The following MARCHF1 variants were observed in gnomAD, a reference collection of about 807,000 sequenced individuals.
The protein encoded by MARCHF1 is E3 ubiquitin-protein ligase MARCHF1.
Under a neutral mutation model 54.2 loss-of-function variants are expected in MARCHF1, and 40 were observed. The observed-to-expected ratio is 0.74, with a 90% CI of 0.57 to 0.96. The LOEUF is 0.96. Ranked by LOEUF, MARCHF1 falls within the 40% of genes least tolerant of loss-of-function variation. The probability of loss-of-function intolerance (pLI) is 0.00; values close to 1 mark genes in which losing one functional copy is unlikely to be tolerated. For missense variants in MARCHF1, 586 were observed against 656.5 expected (o/e 0.89, Z 1.17); for synonymous variants, 236 against 236.3 (o/e 1.00, Z 0.01).
chr4:163,594,583 G>T (rs182448248), intron 7 of MARCHF1, among the ~76,000 whole-genome samples: 1 of 151,196 alleles, frequency 6.6e-6, no homozygotes, highest in Non-Finnish European at 1.5e-5. Context: ...AAAAAATTAA[G>T]ATTACATTAA....
chr4:163,583,986 A>G (rs1462307446), intron 8 of MARCHF1: 1 of 151,554 alleles, frequency 6.6e-6, no homozygotes, highest in African/African-American at 2.4e-5. Flanking sequence ...AAAGATAGAC[A>G]TATTTGCTGC....
chr4:164,149,519 C>T (rs888711139), intron 1 of MARCHF1, among the ~76,000 whole-genome samples: 6 of 152,072 alleles, frequency 3.9e-5, no homozygotes, highest in African/African-American at 1.2e-4. Flanking sequence ...TCGGCTTTCT[C>T]GAGAAATGAC....
intron 1 of MARCHF1, among the ~76,000 whole-genome samples, chr4:164,126,177 T>C (rs1283870443): frequency 6.6e-6 from 1 of 152,196 alleles, no homozygotes; most frequent in Non-Finnish European, 1.5e-5. Context: ...TAATTACCAA[T>C]GTGATGGTAT....
At chr4:163,997,004 A>G (rs1190588276) in intron 2 of MARCHF1, among the ~76,000 whole-genome samples, 2 of 152,030 alleles carry the variant, frequency 1.3e-5, no homozygotes, top group Non-Finnish European at 2.9e-5. Context: ...CAGCAGTCTT[A>G]GGAAACTAAA....
intron 5 of MARCHF1, among the ~76,000 whole-genome samples, chr4:163,620,871 T>G (rs1452775972): frequency 6.6e-6 from 1 of 152,188 alleles, no homozygotes. Context: ...GTATATTTCG[T>G]AATGTTTAAA....
intron 4 of MARCHF1, among the ~76,000 whole-genome samples, chr4:163,823,112 T>C (rs888751453): frequency 6.6e-6 from 1 of 151,524 alleles, no homozygotes; most frequent in South Asian, 2.1e-4. Flanking sequence ...ATTGGGAGAG[T>C]TAGGGATGAA....
intron 3 of MARCHF1, among the ~76,000 whole-genome samples, chr4:163,961,277 C>T (rs1473023260): frequency 6.6e-6 from 1 of 151,918 alleles, no homozygotes; most frequent in Admixed American, 6.6e-5. Flanking sequence ...TCCATATTGA[C>T]CTTCCATGTA....
rs1163556826 is a variant in MARCHF1 at position 164,319,552 on chromosome 4, C to T, written c.-323+64318G>A. On this transcript the variant is annotated intron_variant, in intron 1 of 9. Coordinates refer to ENST00000514618, the MANE Select transcript of MARCHF1 (RefSeq NM_001394959.1). ...TTAAAAATGTCCTATTTTAATAAGC[C>T]CATGTGAGGTAAAAAGGTCTTTAAA... is the stretch of plus-strand genomic sequence containing the variant. Among the ~76,000 whole-genome samples the T allele has an allele frequency of 2.0e-5, 3 of 151,876 alleles. No homozygotes were observed. In the East Asian group the frequency reaches 5.8e-4, roughly 29 times the overall value.
chr4:164,140,987 G>A (rs1756519400), intron 1 of MARCHF1, among the ~76,000 whole-genome samples: 1 of 152,172 alleles, frequency 6.6e-6, no homozygotes, highest in South Asian at 2.1e-4. Context: ...GCTACCCCAC[G>A]TGTTGAGAGG....
At chr4:163,696,926 G>A (rs887905677) in intron 5 of MARCHF1, among the ~76,000 whole-genome samples, 1 of 152,110 alleles carries the variant, frequency 6.6e-6, no homozygotes. Context: ...CAGGTTCAGT[G>A]ACTTTCTGAG....
rs146635429 is a variant in MARCHF1, at chr4:163,927,306, T to C, written c.-39+61195A>G. 8.7e-4 allele frequency among the ~76,000 whole-genome samples: 132 copies of C among 151,894 alleles called. 1 individual carries two copies. Among genetic ancestry groups the C allele is most frequent in the African/African-American group, 2.9e-3 (121 of 41,538 alleles). On this transcript the variant is annotated intron_variant, in intron 3 of 9. Coordinates refer to ENST00000514618, the MANE Select transcript of MARCHF1 (RefSeq NM_001394959.1). ...AGATTCATAATTCTGGTCTTGCAGC[T>C]GAAAGAGTTTCAATTTTAAATAAAC...
intron 3 of MARCHF1, among the ~76,000 whole-genome samples, chr4:163,937,287 C>T (rs1459004844): frequency 6.6e-6 from 1 of 152,032 alleles, no homozygotes; most frequent in African/African-American, 2.4e-5. Flanking sequence ...CATATATACT[C>T]ACATACCCAA....
At chr4:163,799,884 C>G (rs1314300678) in intron 4 of MARCHF1, among the ~76,000 whole-genome samples, 1 of 152,048 alleles carries the variant, frequency 6.6e-6, no homozygotes, top group Non-Finnish European at 1.5e-5. Flanking sequence ...TGAAATCAAC[C>G]TAGCTGACCA....
intron 9 of MARCHF1, among the ~76,000 whole-genome samples, chr4:163,538,708 C>T (rs951465913): frequency 4.6e-5 from 7 of 152,318 alleles, no homozygotes; most frequent in African/African-American, 1.7e-4. Flanking sequence ...GAGTCTACTT[C>T]AGTCTTTACA....
At chr4:164,290,924 C>T (rs546228758) in intron 1 of MARCHF1, among the ~76,000 whole-genome samples, 6 of 151,952 alleles carry the variant, frequency 3.9e-5, no homozygotes, top group African/African-American at 1.4e-4. Context: ...TACAAATATA[C>T]TACTAGTATC....
chr4:164,169,339 A>G (rs776196031), intron 1 of MARCHF1, among the ~76,000 whole-genome samples: 3 of 152,068 alleles, frequency 2.0e-5, no homozygotes, highest in Admixed American at 6.6e-5. Context: ...TATTTCATGC[A>G]CAAGATGATA....
At chr4:163,982,531 C>T (rs1752783958) in intron 3 of MARCHF1, among the ~76,000 whole-genome samples, 1 of 152,168 alleles carries the variant, frequency 6.6e-6, no homozygotes, top group Non-Finnish European at 1.5e-5. Flanking sequence ...CATTCTGAGT[C>T]CTTAATGTTG....
chr4:164,175,357 A>G (rs1366439623), intron 1 of MARCHF1, among the ~76,000 whole-genome samples: 14 of 152,194 alleles, frequency 9.2e-5, no homozygotes, highest in Non-Finnish European at 1.2e-4. Context: ...CTATCTTCCC[A>G]TAAGTGGTCA....
At chr4:163,913,370 G>T (rs1751238020) in intron 3 of MARCHF1, among the ~76,000 whole-genome samples, 1 of 152,082 alleles carries the variant, frequency 6.6e-6, no homozygotes, top group Non-Finnish European at 1.5e-5. Context: ...AACTGCCCTG[G>T]CTTTTAATTT....
Sources: allele counts gnomAD v4.1 joint callset (sites outside exome capture counted in the v4.1 genomes callset), GRCh38; gene constraint gnomAD v4.1.1; transcripts MANE v1.5; gene names NCBI Gene and HGNC (gene_info 2026-07-23, HGNC 2026-07-21).